The following PPP3CA variants were observed in gnomAD, a reference collection of about 807,000 sequenced individuals.
PPP3CA encodes the protein protein phosphatase 3 catalytic subunit alpha.
PPP3CA carries 14 observed loss-of-function variants against 66.5 expected under a neutral mutation model. The observed-to-expected ratio is 0.21, with a 90% CI of 0.14 to 0.33. The LOEUF (loss-of-function observed/expected upper bound fraction) is 0.33, where lower values mean the gene tolerates loss of function less well. Among genes scored for constraint, PPP3CA ranks in the 10% least tolerant of loss-of-function variants. The probability of loss-of-function intolerance (pLI) is 1.00; values close to 1 mark genes in which losing one functional copy is unlikely to be tolerated. For missense variants in PPP3CA, 317 were observed against 639.5 expected (o/e 0.50, Z 5.44); for synonymous variants, 232 against 226.2 (o/e 1.03, Z -0.23).
intron 8 of PPP3CA, among the ~76,000 whole-genome samples, chr4:101,068,474 G>GTT (rs33995920): frequency 1.3e-5 from 2 of 151,880 alleles, no homozygotes; most frequent in African/African-American, 2.4e-5. Context: ...GCATGCAGGG[G>GTT]TTTTTTTAAA....
At chr4:101,084,909 T>A (rs1729596323) in intron 6 of PPP3CA, among the ~76,000 whole-genome samples, 1 of 152,186 alleles carries the variant, frequency 6.6e-6, no homozygotes, top group Non-Finnish European at 1.5e-5. Flanking sequence ...GCCCAGTCTC[T>A]GCATGGAAAC....
intron 1 of PPP3CA, among the ~76,000 whole-genome samples, chr4:101,334,780 A>T (rs1729571813): frequency 6.6e-6 from 1 of 152,202 alleles, no homozygotes; most frequent in African/African-American, 2.4e-5. Context: ...GCAAAGGCAC[A>T]GTCTCCCATG....
intron 2 of PPP3CA, among the ~76,000 whole-genome samples, chr4:101,177,913 G>T (rs975539020): frequency 6.6e-6 from 1 of 151,204 alleles, no homozygotes; most frequent in Non-Finnish European, 1.5e-5. Flanking sequence ...TATTTTTTCT[G>T]TTTACTAAAT....
intron 2 of PPP3CA, among the ~76,000 whole-genome samples, chr4:101,148,140 T>C (rs1279454155): frequency 6.6e-6 from 1 of 152,136 alleles, no homozygotes; most frequent in Non-Finnish European, 1.5e-5. Context: ...CTAAGTCTTG[T>C]CATGATATTT....
At chr4:101,253,135 T>C (rs1726731274) in intron 1 of PPP3CA, among the ~76,000 whole-genome samples, 1 of 152,170 alleles carries the variant, frequency 6.6e-6, no homozygotes, top group East Asian at 1.9e-4. Flanking sequence ...AACAACATAC[T>C]GAGATTGCTC....
intron 1 of PPP3CA, among the ~76,000 whole-genome samples, chr4:101,267,832 T>G (rs1056990750): frequency 7.2e-5 from 11 of 152,182 alleles, no homozygotes; most frequent in Non-Finnish European, 1.5e-4. Flanking sequence ...CAATATTTAC[T>G]CCACTATTAA....
intron 1 of PPP3CA, among the ~76,000 whole-genome samples, chr4:101,322,608 C>T (rs1017997622): frequency 6.6e-6 from 1 of 151,984 alleles, no homozygotes; most frequent in Non-Finnish European, 1.5e-5. Context: ...CCGGGTTTCA[C>T]CATGCTGGCC....
At chr4:101,249,636 G>A (rs1281797881) in intron 1 of PPP3CA, among the ~76,000 whole-genome samples, 4 of 152,130 alleles carry the variant, frequency 2.6e-5, no homozygotes, top group Non-Finnish European at 4.4e-5. Flanking sequence ...TTAAGTACAT[G>A]GCAGAGAACT....
At chr4:101,211,636 TGAGTCCCTCAAA>T (rs1725302820) in intron 1 of PPP3CA, among the ~76,000 whole-genome samples, 2 of 152,190 alleles carry the variant, frequency 1.3e-5, no homozygotes, top group African/African-American at 4.8e-5. Context: ...CAGAGATAAA[TGAGTCCCTCAAA>T]GTTATTTCCA....
intron 2 of PPP3CA, chr4:101,171,244 A>G (rs1578518003): frequency 2.2e-6 from 1 of 455,712 alleles, no homozygotes; most frequent in South Asian, 1.5e-5. Context: ...GCAGAGCTCA[A>G]TTCAGACTTA....
chr4:101,255,050 A>AT (rs1448392612), intron 1 of PPP3CA, among the ~76,000 whole-genome samples: 1 of 151,432 alleles, frequency 6.6e-6, no homozygotes, highest in African/African-American at 2.4e-5. Flanking sequence ...AAAAAAAAAA[A>AT]AAAAAGAAGC....
chr4:101,250,325 T>C (rs143768984), intron 1 of PPP3CA: 1 of 456,400 alleles, frequency 2.2e-6, no homozygotes, highest in East Asian at 7.0e-5. Flanking sequence ...TGTTTTATAC[T>C]GTACCTGTGG....
At chr4:101,112,786 T>C (rs1262900773) in intron 2 of PPP3CA, among the ~76,000 whole-genome samples, 1 of 152,110 alleles carries the variant, frequency 6.6e-6, no homozygotes, top group African/African-American at 2.4e-5. Flanking sequence ...ATTAGCATTA[T>C]CTAATTGATT....
intron 2 of PPP3CA, among the ~76,000 whole-genome samples, chr4:101,189,889 A>C (rs1437690639): frequency 6.6e-6 from 1 of 151,956 alleles, no homozygotes; most frequent in African/African-American, 2.4e-5. Flanking sequence ...ATGGATCGGA[A>C]CCAGTCAGTG....
At chr4:101,331,482 C>T (rs1729384114) in intron 1 of PPP3CA, among the ~76,000 whole-genome samples, 2 of 152,114 alleles carry the variant, frequency 1.3e-5, no homozygotes. Context: ...TAAGACCCTG[C>T]CCCTCAGAGA....
At chr4:101,100,832 C>G (rs1380470167) in intron 3 of PPP3CA, among the ~76,000 whole-genome samples, 1 of 152,054 alleles carries the variant, frequency 6.6e-6, no homozygotes, top group African/African-American at 2.4e-5. Flanking sequence ...CTTTCCAATA[C>G]AGTAGATATC....
At chr4:101,137,613 T>C (rs531551904) in intron 2 of PPP3CA, among the ~76,000 whole-genome samples, 1 of 152,258 alleles carries the variant, frequency 6.6e-6, no homozygotes, top group Admixed American at 6.5e-5. Context: ...GGTAGGCTGA[T>C]GTCCTTTGGA....
At chr4:101,181,626 C>A (rs1240977459) in intron 2 of PPP3CA, among the ~76,000 whole-genome samples, 1 of 152,062 alleles carries the variant, frequency 6.6e-6, no homozygotes, top group East Asian at 1.9e-4. Context: ...GCCCACTATA[C>A]TTTGCAGCCA....
Position 101,108,932 on chromosome 4 carries a change from AGAAGACAT to A in PPP3CA, c.384+14_384+21del. 1 of 1,609,340 alleles carries A rather than the reference AGAAGACAT, an allele frequency of 6.2e-7. No individual in the cohort carries two copies. Among genetic ancestry groups the A allele is most frequent in the East Asian group, 2.2e-5 (1 of 44,774 alleles). On this transcript the variant is annotated intron_variant, in intron 3 of 13. Transcript: ENST00000394854. The stretch of plus-strand genomic sequence containing the variant: ...CTGTTAATCCATAACTGAACAGCAA[AGAAGACAT>A]GATGTAGACTTACTTCAATACTGAA...
Sources: allele counts gnomAD v4.1 joint callset (sites outside exome capture counted in the v4.1 genomes callset), GRCh38; gene constraint gnomAD v4.1.1; transcripts MANE v1.5; gene names NCBI Gene and HGNC (gene_info 2026-07-23, HGNC 2026-07-21).